The following DNAH12 variants were observed in gnomAD, a reference collection of about 807,000 sequenced individuals.
The protein encoded by DNAH12 is dynein axonemal heavy chain 12.
DNAH12 carries 285 observed loss-of-function variants against 371.5 expected under a neutral mutation model. The ratio of observed to expected loss-of-function variants is 0.77; its 90% CI spans 0.70 to 0.85. DNAH12 has a LOEUF of 0.85. Among genes scored for constraint, DNAH12 ranks in the 40% least tolerant of loss-of-function variants. The pLI is 0.00. For synonymous variants in DNAH12, 1,200 were observed against 1,213.0 expected, an observed-to-expected ratio of 0.99 and a Z score of 0.22; for missense variants, 3,611 against 3,689.4, an observed-to-expected ratio of 0.98 and a Z score of 0.55.
At chr3:57,401,440 T>A (rs2063857434) in intron 43 of DNAH12, among the ~76,000 whole-genome samples, 1 of 149,386 alleles carries the variant, frequency 6.7e-6, no homozygotes. Context: ...AGTGTGCACC[T>A]GCAATCCCAG....
intron 65 of DNAH12, among the ~76,000 whole-genome samples, chr3:57,315,624 C>T (rs2153277662): frequency 6.6e-6 from 1 of 151,884 alleles, no homozygotes; most frequent in African/African-American, 2.4e-5. Flanking sequence ...AAAAGTAGAC[C>T]TTGAGAGAAA....
chr3:57,460,873 T>G (rs2066036464), intron 19 of DNAH12, among the ~76,000 whole-genome samples: 1 of 152,176 alleles, frequency 6.6e-6, no homozygotes, highest in Non-Finnish European at 1.5e-5. Context: ...ACTTTGAAGG[T>G]CTGCTGCAGG....
At chr3:57,377,915 C>T (rs1452533729) in intron 52 of DNAH12, among the ~76,000 whole-genome samples, 2 of 152,026 alleles carry the variant, frequency 1.3e-5, no homozygotes, top group African/African-American at 4.8e-5. Context: ...GAGTGTGTGC[C>T]TGTTAGAAAG....
intron 49 of DNAH12, among the ~76,000 whole-genome samples, chr3:57,382,843 T>TA (rs2063422938): frequency 6.6e-6 from 1 of 152,228 alleles, no homozygotes; most frequent in African/African-American, 2.4e-5. Flanking sequence ...TATATATTGT[T>TA]ATAATAGATA....
chr3:57,354,516 A>G (rs1488098660), intron 59 of DNAH12, among the ~76,000 whole-genome samples: 4 of 150,120 alleles, frequency 2.7e-5, no homozygotes, highest in Admixed American at 6.7e-5. Flanking sequence ...AGAGTCCTCA[A>G]TAAACCCTAT....
At chr3:57,354,523 CTA>C (rs2062752408) in intron 59 of DNAH12, among the ~76,000 whole-genome samples, 2 of 139,342 alleles carry the variant, frequency 1.4e-5, no homozygotes, top group Middle Eastern at 3.8e-3. Context: ...TCAATAAACC[CTA>C]TGTCTTGTTT....
chr3:57,428,584 T>A (rs1428197864), intron 34 of DNAH12, 49 bp downstream of exon 34: 45 of 1,510,584 alleles, frequency 3.0e-5, no homozygotes, highest in Non-Finnish European at 3.8e-5. Flanking sequence ...CTTAGTCAAG[T>A]TGAATGGAAA....
At chr3:57,465,664 AG>A (rs1463898951) in intron 17 of DNAH12, among the ~76,000 whole-genome samples, 2 of 152,170 alleles carry the variant, frequency 1.3e-5, no homozygotes, top group Non-Finnish European at 2.9e-5. Context: ...GCAAGGCAAA[AG>A]CTATCATAAG....
chr3:57,461,920 T>G (rs2066066074), intron 18 of DNAH12, among the ~76,000 whole-genome samples: 1 of 152,232 alleles, frequency 6.6e-6, no homozygotes, highest in Admixed American at 6.5e-5. Context: ...TGAAAACTAC[T>G]GCTGTCAATA....
At position 57,323,103 on chromosome 3, in the gene DNAH12, G is replaced by A; in HGVS notation, c.10287C>T (p.Ser3429=). Residue 3429 remains serine (S), a synonymous_variant, in exon 64 of 74, where the codon TCC becomes TCT. Transcript: ENST00000495027. ...ATATTTTTTCCAACATGGGCATCCA[G>A]GACACTGCAAGATGGCAATTCTGTA... ...VCLQNCHLAV[S]WMPMLEKICE... 6.4e-7 allele frequency: 1 copy of A among 1,552,402 alleles called. No homozygotes were observed. Among genetic ancestry groups the A allele is most frequent in the South Asian group, 1.2e-5 (1 of 84,060 alleles).
At chr3:57,552,281 C>T in the DNAH12 span, among the ~76,000 whole-genome samples, 1 of 151,222 alleles carries the variant, frequency 6.6e-6, no homozygotes, top group Admixed American at 6.6e-5. Flanking sequence ...CACTATGTTG[C>T]CCAGGGCTCA....
At chr3:57,449,907 C>G (rs2065697837) in intron 25 of DNAH12, among the ~76,000 whole-genome samples, 1 of 152,222 alleles carries the variant, frequency 6.6e-6, no homozygotes, top group South Asian at 2.1e-4. Flanking sequence ...GCTGTCATCT[C>G]TCACTAGGAG....
chr3:57,316,133 C>CTTTT (rs10652760), intron 65 of DNAH12, among the ~76,000 whole-genome samples: 3 of 144,480 alleles, frequency 2.1e-5, no homozygotes, highest in African/African-American at 7.8e-5. Flanking sequence ...ACCCCTTCCC[C>CTTTT]TTTTTTTTTT....
At chr3:57,492,939 A>C (rs983246440) in intron 11 of DNAH12, among the ~76,000 whole-genome samples, 5 of 152,146 alleles carry the variant, frequency 3.3e-5, no homozygotes, top group African/African-American at 1.2e-4. Context: ...CAGGAGGTGG[A>C]GCTTGCAGTG....
At chr3:57,494,958 G>A (rs996206027) in intron 11 of DNAH12, among the ~76,000 whole-genome samples, 1 of 151,800 alleles carries the variant, frequency 6.6e-6, no homozygotes, top group African/African-American at 2.4e-5. Context: ...GCAGTGAGCT[G>A]TGACAGCACC....
intron 73 of DNAH12, among the ~76,000 whole-genome samples, 182 bp from the exon 74 acceptor site, chr3:57,294,153 A>T (rs2061180776): frequency 6.6e-6 from 1 of 150,480 alleles, no homozygotes; most frequent in Non-Finnish European, 1.5e-5. Flanking sequence ...GTTGTGAAAC[A>T]AGGCAAGTAT....
chr3:57,399,347 A>T (rs1244638200), intron 43 of DNAH12, among the ~76,000 whole-genome samples: 2 of 152,146 alleles, frequency 1.3e-5, no homozygotes, highest in African/African-American at 4.8e-5. Context: ...CATTAAATTT[A>T]ATGGATTAAA....
rs2066279857 is a variant in DNAH12, at chr3:57,468,848, C to T, written c.2237G>A (p.Arg746Lys). Residue 746 changes from arginine (R) to lysine (K), a missense_variant, in exon 17 of 74, where the codon AGA becomes AAA. By Grantham distance (26) the Arg-to-Lys change is conservative. This residue lies in a region of DNAH12 where 1,314 missense variants were observed against 1,398.7 expected (regional missense o/e 0.94). Coordinates refer to ENST00000495027, the MANE Select transcript of DNAH12 (RefSeq NM_001366028.2). ...CAAAGACCGTTTTCTTGCTGCCTTT[C>T]TTTTTTCTTGTAATTCTTTCTTTAG... Reference protein sequence around the residue: ...TKLKKELQEKRKAARKRSLEE... With the variant: ...TKLKKELQEKKKAARKRSLEE... 1 of 1,523,428 alleles carries T rather than the reference C, an allele frequency of 6.6e-7. No individual in the cohort carries two copies. Among genetic ancestry groups the T allele is most frequent in the Admixed American group, 2.5e-5 (1 of 40,640 alleles). 94.4% of individuals were successfully genotyped at this position (1,523,428 alleles called of 1,614,324 possible).
intron 12 of DNAH12, among the ~76,000 whole-genome samples, chr3:57,487,936 A>T (rs2066988454): frequency 6.6e-6 from 1 of 151,450 alleles, no homozygotes; most frequent in Admixed American, 6.6e-5. Flanking sequence ...GTTGTTACTC[A>T]TCAGGATGGT....
Sources: allele counts gnomAD v4.1 joint callset (sites outside exome capture counted in the v4.1 genomes callset), GRCh38; gene constraint gnomAD v4.1.1; regional missense constraint gnomAD v4.1.1; transcripts MANE v1.5; gene names NCBI Gene and HGNC (gene_info 2026-07-23, HGNC 2026-07-21).